AGBL1: variants seen among roughly 807,000 people sequenced by gnomAD.
AGBL1 encodes the protein cytosolic carboxypeptidase 4.
AGBL1 carries 130 observed loss-of-function variants against 118.9 expected under a neutral mutation model. The observed-to-expected ratio is 1.09, with a 90% confidence interval of 0.95 to 1.26. AGBL1 has a LOEUF of 1.26. AGBL1 is among the 50% of genes most tolerant of loss of function. AGBL1 has a pLI of 0.00. For synonymous variants in AGBL1, 555 were observed against 478.9 expected, an observed-to-expected ratio of 1.16 and a Z score of -2.08; for missense variants, 1,584 against 1,298.1, an observed-to-expected ratio of 1.22 and a Z score of -3.38.
intron 1 of AGBL1, among the ~76,000 whole-genome samples, chr15:86,116,105 A>G (rs1335991021): frequency 2.6e-5 from 4 of 152,196 alleles, no homozygotes; most frequent in East Asian, 3.9e-4. Flanking sequence ...ATTGAGTGCC[A>G]TTGTGCTATG....
rs1308676251 is a variant in AGBL1, at chr15:86,827,504, T to C, written c.3159-79583T>C. Among the ~76,000 whole-genome samples the C allele has an allele frequency of 2.3e-4, 14 of 60,838 alleles. 1 individual carries two copies. The highest frequency in any genetic ancestry group is 4.2e-4 in the Admixed American group (2 of 4,812). The allele number at this position is 60,838 out of a possible 152,430, so 39.9% of individuals were successfully genotyped here. On this transcript the variant is annotated intron_variant, in intron 22 of 22. Coordinates refer to ENST00000614907, the MANE Select transcript of AGBL1 (RefSeq NM_001386094.1). ...ATATATGTGTGTATATATATATATA[T>C]ATATATATATATATATAGCCTGTGG...
chr15:86,278,675 G>T (rs990082295), intron 15 of AGBL1, among the ~76,000 whole-genome samples: 10 of 152,096 alleles, frequency 6.6e-5, no homozygotes, highest in Non-Finnish European at 4.4e-5. Context: ...GGACTAGTAA[G>T]CCAACGTTCT....
intron 6 of AGBL1, among the ~76,000 whole-genome samples, chr15:86,229,391 C>T (rs2078419362): frequency 1.3e-5 from 2 of 152,066 alleles, no homozygotes; most frequent in African/African-American, 2.4e-5. Context: ...GGCAAAAAAA[C>T]CCTTATGAAA....
At chr15:86,412,205 C>T (rs1056614212) in intron 18 of AGBL1, among the ~76,000 whole-genome samples, 6 of 152,192 alleles carry the variant, frequency 3.9e-5, no homozygotes, top group Admixed American at 2.0e-4. Context: ...ACCCTAACAT[C>T]CGTGGATCAC....
At chr15:86,313,781 C>A (rs1183163612) in intron 17 of AGBL1, among the ~76,000 whole-genome samples, 1 of 152,194 alleles carries the variant, frequency 6.6e-6, no homozygotes, top group East Asian at 1.9e-4. Context: ...CAAGCACTTT[C>A]TTGGAATAAC....
chr15:86,560,241 T>C (rs1223391426), intron 21 of AGBL1, among the ~76,000 whole-genome samples: 1 of 152,040 alleles, frequency 6.6e-6, no homozygotes, highest in East Asian at 1.9e-4. Flanking sequence ...GCTACACCCA[T>C]TAACTCGTCA....
intron 23 of AGBL1, among the ~76,000 whole-genome samples, chr15:86,929,530 G>A (rs944640553): frequency 6.6e-6 from 1 of 152,126 alleles, no homozygotes; most frequent in African/African-American, 2.4e-5. Flanking sequence ...TGCATCTTAG[G>A]GAATGGCATC....
chr15:86,461,310 A>T (rs2082332587), intron 18 of AGBL1, among the ~76,000 whole-genome samples: 1 of 152,178 alleles, frequency 6.6e-6, no homozygotes, highest in Non-Finnish European at 1.5e-5. Context: ...TATAGAATCC[A>T]TCTGAGCTAT....
At chr15:87,029,128 T>G, downstream of AGBL1, 1 of 293,854 alleles carries the variant, frequency 3.4e-6, no homozygotes, top group Non-Finnish European at 6.2e-6. Flanking sequence ...ATTAACTAAA[T>G]GAATGAAAGA....
intron 22 of AGBL1, among the ~76,000 whole-genome samples, chr15:86,710,150 A>G (rs759069483): frequency 2.1e-5 from 3 of 142,920 alleles, no homozygotes; most frequent in Non-Finnish European, 3.0e-5. Flanking sequence ...ATCATCCCTT[A>G]CAGGAAGAGG....
At chr15:86,583,654 T>A (rs1267077509) in intron 21 of AGBL1, among the ~76,000 whole-genome samples, 3 of 152,148 alleles carry the variant, frequency 2.0e-5, no homozygotes, top group Non-Finnish European at 4.4e-5. Flanking sequence ...ACTGCATGTG[T>A]CTTTTAGACT....
chr15:86,684,779 G>A (rs550895048), intron 22 of AGBL1, among the ~76,000 whole-genome samples: 36 of 152,118 alleles, frequency 2.4e-4, no homozygotes, highest in Non-Finnish European at 4.3e-4. Flanking sequence ...ATCTCCTTTC[G>A]GATCTAATAT....
At chr15:86,549,805 A>G (rs1466078390) in intron 20 of AGBL1, among the ~76,000 whole-genome samples, 4 of 147,034 alleles carry the variant, frequency 2.7e-5, no homozygotes, top group Non-Finnish European at 4.5e-5. Context: ...TTTGATGGAT[A>G]ATTAGAACAG....
chr15:86,770,422 A>G (rs2078160594), intron 22 of AGBL1, among the ~76,000 whole-genome samples: 2 of 151,978 alleles, frequency 1.3e-5, no homozygotes, highest in African/African-American at 4.8e-5. Flanking sequence ...TGTAGAAGCT[A>G]CAGCTGCTGC....
chr15:86,639,073 AG>A (rs1303031244), intron 21 of AGBL1, among the ~76,000 whole-genome samples: 1 of 152,214 alleles, frequency 6.6e-6, no homozygotes, highest in Non-Finnish European at 1.5e-5. Flanking sequence ...GCAAGCGAGA[AG>A]GCAATAGAGT....
At chr15:86,079,709 T>C (rs997927301), upstream of AGBL1, 12 of 328,894 alleles carry the variant, frequency 3.6e-5, no homozygotes, top group African/African-American at 2.3e-4. Flanking sequence ...CTCATGCTGG[T>C]GCCCTCCCCA....
rs35862599 is a variant in AGBL1 at position 86,731,073 on chromosome 15, C to A, written c.3158+56637C>A. On this transcript the variant is annotated intron_variant, in intron 22 of 22. Coordinates refer to ENST00000614907, the MANE Select transcript of AGBL1 (RefSeq NM_001386094.1). The stretch of plus-strand genomic sequence containing the variant: ...CTCAAACTCCTGACCTCAGGTGATC[C>A]GCCCGTCTTGGCCTCCCAAAGTGCT... Among the ~76,000 whole-genome samples the A allele has an allele frequency of 1.4e-4, 21 of 152,038 alleles. No individual in the cohort carries two copies. In the South Asian group the frequency reaches 4.4e-3, roughly 32 times the overall value.
chr15:86,723,236 A>G (rs1316861531), intron 22 of AGBL1, among the ~76,000 whole-genome samples: 1 of 152,248 alleles, frequency 6.6e-6, no homozygotes, highest in East Asian at 1.9e-4. Flanking sequence ...TCACAATAGC[A>G]AAGACTTGGA....
intron 22 of AGBL1, among the ~76,000 whole-genome samples, chr15:86,897,769 T>C (rs1477969679): frequency 4.6e-4 from 65 of 140,414 alleles, no homozygotes; most frequent in Non-Finnish European, 7.3e-4. Flanking sequence ...TTTATCTTTT[T>C]TTTTTTTTTT....
Sources: allele counts gnomAD v4.1 joint callset (sites outside exome capture counted in the v4.1 genomes callset), GRCh38; gene constraint gnomAD v4.1.1; transcripts MANE v1.5; gene names NCBI Gene and HGNC (gene_info 2026-07-23, HGNC 2026-07-21).